The following RAPGEF5 variants were observed in gnomAD, a reference collection of about 807,000 sequenced individuals.
RAPGEF5 encodes the protein M-Ras-regulated GEF.
RAPGEF5 carries 65 observed loss-of-function variants against 125.2 expected under a neutral mutation model. The ratio of observed to expected loss-of-function variants is 0.52; its 90% CI spans 0.43 to 0.64. The LOEUF (loss-of-function observed/expected upper bound fraction) is 0.64, where lower values mean the gene tolerates loss of function less well. Among genes scored for constraint, RAPGEF5 ranks in the 30% least tolerant of loss-of-function variants. The pLI, the probability that RAPGEF5 is intolerant of heterozygous loss-of-function variation, is 0.00. For missense variants in RAPGEF5, 958 were observed against 1,048.1 expected, an observed-to-expected ratio of 0.91 and a Z score of 1.19; for synonymous variants, 391 against 385.9, an observed-to-expected ratio of 1.01 and a Z score of -0.16.
chr7:22,314,255 G>A (rs1374585635), intron 3 of RAPGEF5, among the ~76,000 whole-genome samples: 1 of 152,152 alleles, frequency 6.6e-6, no homozygotes, highest in East Asian at 1.9e-4. Context: ...AAGCAGGAAG[G>A]AACCTTCTGA....
At chr7:22,202,379 A>G (rs1369107256) in intron 9 of RAPGEF5, among the ~76,000 whole-genome samples, 3 of 152,192 alleles carry the variant, frequency 2.0e-5, no homozygotes, top group Non-Finnish European at 4.4e-5. Context: ...TGCCTTATCT[A>G]CAGCCAAATC....
chr7:22,316,362 GA>G (rs1783589970), intron 2 of RAPGEF5, among the ~76,000 whole-genome samples: 1 of 146,298 alleles, frequency 6.8e-6, no homozygotes, highest in Non-Finnish European at 1.5e-5. Context: ...TAGATAGATA[GA>G]TAGATAGATA....
chr7:22,332,520 G>C (rs1277074565), intron 1 of RAPGEF5, among the ~76,000 whole-genome samples: 1 of 152,192 alleles, frequency 6.6e-6, no homozygotes, highest in Non-Finnish European at 1.5e-5. Flanking sequence ...TCTTCTTTCT[G>C]TGAAAAGCAC....
At chr7:22,220,329 G>A (rs999280367) in intron 8 of RAPGEF5, 2 of 192,756 alleles carry the variant, frequency 1.0e-5, no homozygotes, top group Middle Eastern at 2.0e-3. Context: ...AGCCTAGCAA[G>A]AGGTTAAAAA....
intron 1 of RAPGEF5, among the ~76,000 whole-genome samples, chr7:22,341,414 G>A (rs566793896): frequency 1.8e-3 from 272 of 152,140 alleles, no homozygotes; most frequent in African/African-American, 5.1e-3. Context: ...CATTCCACCC[G>A]GCCCCTCCCA....
chr7:22,346,567 C>T (rs1003509703), intron 1 of RAPGEF5, among the ~76,000 whole-genome samples: 5 of 152,098 alleles, frequency 3.3e-5, no homozygotes, highest in East Asian at 1.9e-4. Flanking sequence ...GCCGTCAGCA[C>T]CAAAGTCCTA....
At chr7:22,256,050 T>TA (rs1786752036) in intron 7 of RAPGEF5, among the ~76,000 whole-genome samples, 1 of 152,176 alleles carries the variant, frequency 6.6e-6, no homozygotes, top group African/African-American at 2.4e-5. Flanking sequence ...ACATTACTCT[T>TA]GCCTGCCCAG....
chr7:22,248,207 C>T (rs1277708519), intron 7 of RAPGEF5, among the ~76,000 whole-genome samples: 1 of 152,090 alleles, frequency 6.6e-6, no homozygotes. Context: ...TAGAAAAATT[C>T]CCTTAGAGGG....
chr7:22,254,340 G>A (rs1218059654), intron 7 of RAPGEF5, among the ~76,000 whole-genome samples: 1 of 151,950 alleles, frequency 6.6e-6, no homozygotes, highest in Non-Finnish European at 1.5e-5. Context: ...CGGGCATGGT[G>A]GCTTACACCT....
chr7:22,162,636 A>G (rs2128112403), intron 12 of RAPGEF5, 95 bp from the exon 13 acceptor site: 1 of 1,201,640 alleles, frequency 8.3e-7, no homozygotes, highest in African/African-American at 1.5e-5. Flanking sequence ...GAAGGCATAC[A>G]AGTGTATAAA....
chr7:22,281,210 G>T (rs1782666289), intron 6 of RAPGEF5, among the ~76,000 whole-genome samples: 1 of 152,108 alleles, frequency 6.6e-6, no homozygotes, highest in African/African-American at 2.4e-5. Context: ...TGGAGAAGAT[G>T]ATTTCTTTCT....
chr7:22,200,403 C>T (rs1208128649), intron 9 of RAPGEF5, among the ~76,000 whole-genome samples: 1 of 152,112 alleles, frequency 6.6e-6, no homozygotes, highest in Non-Finnish European at 1.5e-5. Context: ...TCAAGGTGAG[C>T]CACTTAGACT....
intron 3 of RAPGEF5, among the ~76,000 whole-genome samples, chr7:22,311,749 G>T (rs149530629): frequency 1.6e-3 from 238 of 152,214 alleles, no homozygotes; most frequent in Middle Eastern, 3.4e-3. Flanking sequence ...AAAACAGATG[G>T]CAATAAAACA....
intron 18 of RAPGEF5, among the ~76,000 whole-genome samples, chr7:22,147,958 CG>C (rs1385630576): frequency 6.6e-6 from 1 of 152,040 alleles, no homozygotes; most frequent in Non-Finnish European, 1.5e-5. Flanking sequence ...TTGATGAAAA[CG>C]TTTCCTATTT....
intron 12 of RAPGEF5, among the ~76,000 whole-genome samples, chr7:22,166,141 G>T (rs2128114400): frequency 6.7e-6 from 1 of 149,122 alleles, no homozygotes; most frequent in East Asian, 1.9e-4. Flanking sequence ...TTGCCCAGCT[G>T]CTCTTGAACT....
At chr7:22,297,545 G>A (rs1255656160) in intron 5 of RAPGEF5, among the ~76,000 whole-genome samples, 1 of 152,186 alleles carries the variant, frequency 6.6e-6, no homozygotes, top group Non-Finnish European at 1.5e-5. Flanking sequence ...TAAAGGCCAT[G>A]AATATAAAAT....
chr7:22,227,153 C>G (rs1266904370), intron 8 of RAPGEF5, among the ~76,000 whole-genome samples: 1 of 151,148 alleles, frequency 6.6e-6, no homozygotes, highest in Non-Finnish European at 1.5e-5. Context: ...TTGTTTTGAC[C>G]TAAGAGAAAT....
intron 8 of RAPGEF5, among the ~76,000 whole-genome samples, chr7:22,223,538 C>T (rs1009797523): frequency 6.6e-6 from 1 of 152,036 alleles, no homozygotes; most frequent in Non-Finnish European, 1.5e-5. Flanking sequence ...GACGGCTATT[C>T]CAGGATGTTT....
chr7:22,220,046 G>A, intron 8 of RAPGEF5, 55 bp from the exon 9 acceptor site: 1 of 1,588,532 alleles, frequency 6.3e-7, no homozygotes, highest in Non-Finnish European at 8.6e-7. Flanking sequence ...CCCAGGACAT[G>A]ACACCACCGC....
Sources: allele counts gnomAD v4.1 joint callset (sites outside exome capture counted in the v4.1 genomes callset), GRCh38; gene constraint gnomAD v4.1.1; transcripts MANE v1.5; gene names NCBI Gene and HGNC (gene_info 2026-07-23, HGNC 2026-07-21).